Variants in PTPRU observed in about 807,000 individuals in gnomAD.
PTPRU encodes receptor-type tyrosine-protein phosphatase U.
In PTPRU, 69 loss-of-function variants were observed where a neutral mutation model predicts 166.3. That is an observed-to-expected ratio of 0.41 (90% confidence interval 0.34 to 0.51). The LOEUF is 0.51. Ranked by LOEUF, PTPRU falls within the 20% of genes least tolerant of loss-of-function variation. The pLI is 0.09. For synonymous variants in PTPRU, 793 were observed against 814.0 expected (o/e 0.97, Z 0.44); for missense variants, 1,657 against 2,013.7 (o/e 0.82, Z 3.39).
In PTPRU at chr1:29,323,735, G is replaced by T; in HGVS notation, c.4059G>T (p.Glu1353Asp). Residue 1353 changes from glutamate (E) to aspartate (D), a missense_variant, in exon 28 of 30, where the codon GAG becomes GAT. This residue lies in a region of PTPRU where 1,190 missense variants were observed against 1,477.4 expected (regional missense o/e 0.81). Coordinates refer to ENST00000373779, the MANE Select transcript of PTPRU (RefSeq NM_133178.4). ...AGGCCTTCTTGCACCTGCTGGCTGA[G>T]GTGGACAAGTGGCAGGCCGAGAGTG... ...SKKAFLHLLA[E>D]VDKWQAESGD... The T allele has an allele frequency of 6.2e-7, 1 of 1,614,186 alleles. No homozygotes were observed. Among genetic ancestry groups the T allele is most frequent in the South Asian group, 1.1e-5 (1 of 91,082 alleles).
chr1:29,278,987 G>A, intron 8 of PTPRU, 25 bp from the exon 9 acceptor site: 1 of 1,548,764 alleles, frequency 6.5e-7, no homozygotes, highest in South Asian at 1.2e-5. Flanking sequence ...ACTTTCCCCT[G>A]GCCCCTGCTG....
At position 29,260,629 on chromosome 1, in the gene PTPRU, G is replaced by A. The variant is rs557045961; in HGVS notation, c.870G>A (p.Ala290=). ...LIVKEPPTPI[A]PPQLLRAGPT... Reference sequence around the variant, plus strand: ...TCGCAGAGCCCCCAACTCCCATCGCGCCCCCACAGCTGCTGCGTGCTGGCC... The same window carrying A: ...TCGCAGAGCCCCCAACTCCCATCGCACCCCCACAGCTGCTGCGTGCTGGCC... The change falls in exon 7 of 30, where the codon GCG becomes GCA. Residue 290 remains alanine, a synonymous_variant. Transcript: ENST00000373779. The surrounding 1 kb of genome is among the most constrained non-coding windows in gnomAD (Gnocchi z 8.3). 1.8e-5 allele frequency: 27 copies of A among 1,486,664 alleles called. No homozygotes were observed. Among genetic ancestry groups the A allele is most frequent in the Admixed American group, 9.3e-5 (4 of 43,086 alleles). 92.1% of individuals were successfully genotyped at this position (1,486,664 alleles called of 1,614,324 possible).
intron 14 of PTPRU, among the ~76,000 whole-genome samples, chr1:29,289,899 C>T (rs1025315444): frequency 6.6e-6 from 1 of 152,208 alleles, no homozygotes; most frequent in Non-Finnish European, 1.5e-5. Flanking sequence ...GCATCTTCCT[C>T]CTCAAGTCGT....
chr1:29,324,146 TTCCATCCA>T (rs1247359979), intron 28 of PTPRU, among the ~76,000 whole-genome samples: 1 of 152,194 alleles, frequency 6.6e-6, no homozygotes, highest in African/African-American at 2.4e-5. Context: ...ATGTGACTTT[TTCCATCCA>T]TCCATCCATC....
At chr1:29,262,878 T>C (rs1291324638) in intron 7 of PTPRU, among the ~76,000 whole-genome samples, 1 of 152,196 alleles carries the variant, frequency 6.6e-6, no homozygotes, top group Non-Finnish European at 1.5e-5. Flanking sequence ...CAACCACTAA[T>C]TTCCTTTCTG....
rs1686540770 is a variant in PTPRU, at chr1:29,289,831, G to C, written c.2319-2038G>C. 20 of 1,146,318 alleles carry C rather than the reference G, an allele frequency of 1.7e-5. No individual in the cohort carries two copies. In the East Asian group the frequency reaches 5.1e-4, roughly 29 times the overall value. 71.0% of individuals were successfully genotyped at this position (1,146,318 alleles called of 1,614,324 possible). A position where few individuals can be genotyped will look rare whatever the true frequency, so the allele number is the denominator to read the frequency against. On this transcript the variant is annotated intron_variant, in intron 14 of 29. Transcript: ENST00000373779. ...CCCAGCCTGGCCTGGTGTCCACCCGGTTCTCTCTGGTCACCTCGGCCTCTG... is the reference window on the plus strand; with the variant it reads ...CCCAGCCTGGCCTGGTGTCCACCCGCTTCTCTCTGGTCACCTCGGCCTCTG...
Position 29,260,145 on chromosome 1 carries a change from G to A in PTPRU, c.850+101G>A. On this transcript the variant is annotated intron_variant, in intron 6 of 29. Coordinates refer to ENST00000373779, the MANE Select transcript of PTPRU (RefSeq NM_133178.4). The surrounding 1 kb of genome is among the most constrained non-coding windows in gnomAD (Gnocchi z 8.3). Reference sequence around the variant, plus strand: ...CCGGGGGCGTGGCCGTGGGGGGTGGGGCCGGCAGGGTGTCGCTGGGGCGCT... The same window carrying A: ...CCGGGGGCGTGGCCGTGGGGGGTGGAGCCGGCAGGGTGTCGCTGGGGCGCT... 8.3e-7 allele frequency: 1 copy of A among 1,209,118 alleles called. No individual in the cohort carries two copies. The highest frequency in any genetic ancestry group is 1.1e-6 in the Non-Finnish European group (1 of 938,518). The allele number at this position is 1,209,118 out of a possible 1,614,324, so 74.9% of individuals were successfully genotyped here.
In PTPRU at chr1:29,311,032, G is replaced by A. The variant is rs1397978418; in HGVS notation, c.2857+252G>A. On this transcript the variant is annotated intron_variant, in intron 19 of 29. Coordinates refer to ENST00000373779, the MANE Select transcript of PTPRU (RefSeq NM_133178.4). The surrounding 1 kb of genome is among the most constrained non-coding windows in gnomAD (Gnocchi z 4.1). ...TGTGCTCAGTCCATCTGTTGCTCCT[G>A]GTCTACCTGCCTGTCTCCAAAGTGG... 6.6e-6 allele frequency among the ~76,000 whole-genome samples: 1 copy of A among 152,156 alleles called. No individual in the cohort carries two copies. The highest frequency in any genetic ancestry group is 1.5e-5 in the Non-Finnish European group (1 of 68,030).
Position 29,271,553 on chromosome 1 carries a change from G to A in PTPRU, c.1145-3895G>A, listed in dbSNP as rs568755925. Among the ~76,000 whole-genome samples the A allele has an allele frequency of 6.6e-6, 1 of 152,176 alleles. No individual in the cohort carries two copies. Among genetic ancestry groups the A allele is most frequent in the Non-Finnish European group, 1.5e-5 (1 of 68,018 alleles). ...CTCCAAAGTTGCTATCTTGGGCCCTGTAAGGTGATTTGAAGAAGCTTGAGT... is the reference window on the plus strand; with the variant it reads ...CTCCAAAGTTGCTATCTTGGGCCCTATAAGGTGATTTGAAGAAGCTTGAGT... On this transcript the variant is annotated intron_variant, in intron 7 of 29. Transcript: ENST00000373779. This position sits in a 1 kb window ranked among gnomAD's most constrained non-coding sequence, Gnocchi z 4.4.
chr1:29,259,047 T>A (rs1054418551), intron 3 of PTPRU, among the ~76,000 whole-genome samples: 4 of 152,084 alleles, frequency 2.6e-5, no homozygotes, highest in Admixed American at 6.5e-5. Flanking sequence ...AGGGTAACTG[T>A]CCAGGATTTG....
chr1:29,302,982 C>T (rs1687205025), intron 15 of PTPRU, among the ~76,000 whole-genome samples: 1 of 152,216 alleles, frequency 6.6e-6, no homozygotes, highest in South Asian at 2.1e-4. Context: ...CTATGCCGTG[C>T]AGCCCAGGTC....
In PTPRU at chr1:29,291,292, A is replaced by G. The variant is rs1476542039; in HGVS notation, c.2319-577A>G. On this transcript the variant is annotated intron_variant, in intron 14 of 29. Transcript: ENST00000373779. This position sits in a 1 kb window ranked among gnomAD's most constrained non-coding sequence, Gnocchi z 4.1. ...TGCTACTGGGAGTAGGGAGAAGCCA[A>G]GGGTGGAGTTCATTCTGTGCGTGGG... Among the ~76,000 whole-genome samples, 2 of 152,082 alleles carry G rather than the reference A, an allele frequency of 1.3e-5. No individual in the cohort carries two copies. Among genetic ancestry groups the G allele is most frequent in the African/African-American group, 2.4e-5 (1 of 41,416 alleles).
In PTPRU at chr1:29,257,916, T is replaced by A. The variant is rs1684842910; in HGVS notation, c.206-589T>A. Among the ~76,000 whole-genome samples the A allele has an allele frequency of 6.6e-6, 1 of 151,816 alleles. No individual in the cohort carries two copies. The highest frequency in any genetic ancestry group is 2.1e-4 in the South Asian group (1 of 4,822). Reference sequence around the variant, plus strand: ...ATAGCTCAGAACATGGGGAAAGCTGTGGTTAGGCTGGGCATGGGCATTGTG... The same window carrying A: ...ATAGCTCAGAACATGGGGAAAGCTGAGGTTAGGCTGGGCATGGGCATTGTG... On this transcript the variant is annotated intron_variant, in intron 2 of 29. Coordinates refer to ENST00000373779, the MANE Select transcript of PTPRU (RefSeq NM_133178.4). This position sits in a 1 kb window ranked among gnomAD's most constrained non-coding sequence, Gnocchi z 4.6.
intron 26 of PTPRU, among the ~76,000 whole-genome samples, chr1:29,321,829 C>G (rs989566019): frequency 3.3e-5 from 5 of 152,200 alleles, no homozygotes; most frequent in Non-Finnish European, 7.3e-5. Context: ...ACAGTTGTAT[C>G]TGAGATTGGC....
In PTPRU at chr1:29,315,596, A is replaced by G; in HGVS notation, c.3363+89A>G. ...TCCTGGAGCCGGCAGAGCATGCCCAAAGGGTGTCCTGAGGCTCTTGCCTTC... is the reference window on the plus strand; with the variant it reads ...TCCTGGAGCCGGCAGAGCATGCCCAGAGGGTGTCCTGAGGCTCTTGCCTTC... On this transcript the variant is annotated intron_variant, in intron 23 of 29. Transcript: ENST00000373779. The surrounding 1 kb of genome is among the most constrained non-coding windows in gnomAD (Gnocchi z 4.5). The G allele has an allele frequency of 1.3e-6, 2 of 1,558,588 alleles. No homozygotes were observed. The highest frequency in any genetic ancestry group is 1.8e-6 in the Non-Finnish European group (2 of 1,139,056).
Position 29,260,634 on chromosome 1 carries a change from C to A in PTPRU, c.875C>A (p.Pro292Gln). The A allele has an allele frequency of 6.7e-7, 1 of 1,503,590 alleles. No individual in the cohort carries two copies. The highest frequency in any genetic ancestry group is 1.4e-5 in the African/African-American group (1 of 70,320). 93.1% of individuals were successfully genotyped at this position (1,503,590 alleles called of 1,614,324 possible). A position where few individuals can be genotyped will look rare whatever the true frequency, so the allele number is the denominator to read the frequency against. The part of the protein sequence containing the change: ...VKEPPTPIAP[P>Q]QLLRAGPTYL... Reference sequence around the variant, plus strand: ...GAGCCCCCAACTCCCATCGCGCCCCCACAGCTGCTGCGTGCTGGCCCCACC... The same window carrying A: ...GAGCCCCCAACTCCCATCGCGCCCCAACAGCTGCTGCGTGCTGGCCCCACC... Residue 292 changes from proline (P) to glutamine (Q), a missense_variant, in exon 7 of 30, where the codon CCA (proline) becomes CAA (glutamine). Coordinates refer to ENST00000373779, the MANE Select transcript of PTPRU (RefSeq NM_133178.4). The surrounding 1 kb of genome is among the most constrained non-coding windows in gnomAD (Gnocchi z 8.3).
chr1:29,307,121 T>C (rs1275690655), intron 18 of PTPRU: 1 of 1,613,396 alleles, frequency 6.2e-7, no homozygotes. Flanking sequence ...CTCACTGGAA[T>C]CATTAAGATT....
In PTPRU at chr1:29,260,309, C is replaced by G; in HGVS notation, c.850+265C>G. Reference sequence around the variant, plus strand: ...GGGTGGGGTTCTGGCTGTGTGACTTCTGTGTTGATCCTAGCTGGCCTGCGG... The same window carrying G: ...GGGTGGGGTTCTGGCTGTGTGACTTGTGTGTTGATCCTAGCTGGCCTGCGG... On this transcript the variant is annotated intron_variant, in intron 6 of 29. Transcript: ENST00000373779. The surrounding 1 kb of genome is among the most constrained non-coding windows in gnomAD (Gnocchi z 8.3). 1 of 482,162 alleles carries G rather than the reference C, an allele frequency of 2.1e-6. No individual in the cohort carries two copies. The highest frequency in any genetic ancestry group is 3.5e-6 in the Non-Finnish European group (1 of 282,774). The allele number at this position is 482,162 out of a possible 1,614,324, so 29.9% of individuals were successfully genotyped here. A position where few individuals can be genotyped will look rare whatever the true frequency, so the allele number is the denominator to read the frequency against.
intron 14 of PTPRU, among the ~76,000 whole-genome samples, chr1:29,289,924 G>A (rs1686545790): frequency 6.6e-6 from 1 of 152,104 alleles, no homozygotes; most frequent in Non-Finnish European, 1.5e-5. Flanking sequence ...ATGAGTGCTG[G>A]TTCTGCCCCT....
Sources: gnomAD v4.1 joint callset for allele counts (sites outside exome capture counted in the v4.1 genomes callset) on GRCh38, gnomAD v4.1.1 for gene constraint, gnomAD v4.1.1 regional missense constraint, Gnocchi (gnomAD v3.1) non-coding constraint, MANE v1.5 for transcripts, NCBI Gene and HGNC (gene_info 2026-07-23, HGNC 2026-07-21) for gene names.